Variants in ZFAND3 observed in about 807,000 individuals in gnomAD.
ZFAND3 encodes AN1-type zinc finger protein 3.
Under a neutral mutation model 29.6 loss-of-function variants are expected in ZFAND3, and 10 were observed. The observed-to-expected ratio is 0.34, with a 90% CI of 0.21 to 0.57. The LOEUF (loss-of-function observed/expected upper bound fraction) is 0.57. ZFAND3 is among the 20% of genes least tolerant of loss of function. ZFAND3 has a pLI of 0.86. For synonymous variants in ZFAND3, 128 were observed against 112.6 expected (o/e 1.14, Z -0.87); for missense variants, 230 against 304.5 (o/e 0.76, Z 1.82).
chr6:37,850,816 C>G (rs1764266762), intron 1 of ZFAND3, among the ~76,000 whole-genome samples: 1 of 152,150 alleles, frequency 6.6e-6, no homozygotes, highest in Non-Finnish European at 1.5e-5. Flanking sequence ...CAAGGCTGGT[C>G]TCTGACTCCT....
chr6:37,931,637 T>C (rs901240818), intron 2 of ZFAND3, among the ~76,000 whole-genome samples: 12 of 151,894 alleles, frequency 7.9e-5, no homozygotes, highest in African/African-American at 2.7e-4. Context: ...GTGGACCAAA[T>C]CATTTGTTTT....
intron 1 of ZFAND3, among the ~76,000 whole-genome samples, chr6:37,910,799 T>A (rs1477766649): frequency 6.6e-6 from 1 of 152,222 alleles, no homozygotes; most frequent in Non-Finnish European, 1.5e-5. Flanking sequence ...CATGTGGTAT[T>A]TGTCATTCGG....
intron 2 of ZFAND3, among the ~76,000 whole-genome samples, chr6:38,045,216 T>G (rs1159325035): frequency 6.6e-6 from 1 of 151,892 alleles, no homozygotes; most frequent in Non-Finnish European, 1.5e-5. Flanking sequence ...GCCTCCCAAG[T>G]ACCTGGGATT....
intron 2 of ZFAND3, among the ~76,000 whole-genome samples, chr6:38,049,374 T>C (rs1434778511): frequency 6.6e-6 from 1 of 152,198 alleles, no homozygotes; most frequent in Admixed American, 6.5e-5. Flanking sequence ...AAAATAACTT[T>C]ATTAGGTAGA....
At chr6:37,949,648 T>C (rs993475857) in intron 2 of ZFAND3, among the ~76,000 whole-genome samples, 1 of 152,160 alleles carries the variant, frequency 6.6e-6, no homozygotes, top group Non-Finnish European at 1.5e-5. Context: ...ATTAATTTGT[T>C]GGGGCTGTTC....
intron 5 of ZFAND3, among the ~76,000 whole-genome samples, chr6:38,151,150 G>A (rs979593637): frequency 2.0e-5 from 3 of 152,160 alleles, no homozygotes; most frequent in South Asian, 2.1e-4. Flanking sequence ...GAGACACCCC[G>A]GTGCAGCTGC....
At chr6:38,059,288 C>T (rs1581881652) in intron 2 of ZFAND3, among the ~76,000 whole-genome samples, 2 of 152,182 alleles carry the variant, frequency 1.3e-5, no homozygotes, top group East Asian at 3.9e-4. Flanking sequence ...TTCATGTATC[C>T]ATAAACAATA....
chr6:37,849,642 T>C (rs912959067), intron 1 of ZFAND3, among the ~76,000 whole-genome samples: 1 of 152,196 alleles, frequency 6.6e-6, no homozygotes, highest in African/African-American at 2.4e-5. Flanking sequence ...ACTCCTGACG[T>C]CAGGTGATCC....
chr6:38,079,056 T>C (rs186451122), intron 3 of ZFAND3, among the ~76,000 whole-genome samples: 76 of 152,316 alleles, frequency 5.0e-4, no homozygotes, highest in Admixed American at 1.8e-3. Flanking sequence ...ATTTCCTGCA[T>C]TGATTTTAAC....
In ZFAND3 at chr6:37,819,913, T is replaced by TGCCGCCGCCGAGCTCC. The variant is rs1443957001; in HGVS notation, c.-19_-4dup. 4.1e-5 allele frequency: 49 copies of TGCCGCCGCCGAGCTCC among 1,196,380 alleles called. No homozygotes were observed. Among genetic ancestry groups the TGCCGCCGCCGAGCTCC allele is most frequent in the Middle Eastern group, 3.3e-4 (1 of 3,006 alleles). 74.1% of individuals were successfully genotyped at this position (1,196,380 alleles called of 1,614,324 possible). On this transcript the variant is annotated 5_prime_UTR_variant, in exon 1 of 6. Transcript: ENST00000287218. The stretch of plus-strand genomic sequence containing the variant: ...GCCCGGGCCCAGCCGCCGCCACCGC[T>TGCCGCCGCCGAGCTCC]GCCGCCGCCGAGCTCCGCCGCCGCC...
At position 37,891,416 on chromosome 6, in the gene ZFAND3, T is replaced by TCCCCCCCCC. The variant is rs113061455; in HGVS notation, c.72-38541_72-38533dup. ...TTTGACAAATAGTTGGAGATTTCAG[T>TCCCCCCCCC]CCCCCCCCCCGCCTTTAAAATACAA... On this transcript the variant is annotated intron_variant, in intron 1 of 5. Coordinates refer to ENST00000287218, the MANE Select transcript of ZFAND3 (RefSeq NM_021943.3). 1.8e-3 allele frequency among the ~76,000 whole-genome samples: 212 copies of TCCCCCCCCC among 117,068 alleles called. 8 individuals are homozygous for TCCCCCCCCC. Among genetic ancestry groups the TCCCCCCCCC allele is most frequent in the African/African-American group, 3.4e-3 (89 of 26,106 alleles). The allele number at this position is 117,068 out of a possible 152,430, so 76.8% of individuals were successfully genotyped here.
At chr6:38,010,410 G>A (rs1164698890) in intron 2 of ZFAND3, among the ~76,000 whole-genome samples, 1 of 152,118 alleles carries the variant, frequency 6.6e-6, no homozygotes, top group Non-Finnish European at 1.5e-5. Flanking sequence ...TATTTGAGGA[G>A]CCATTGTACA....
chr6:37,923,703 C>T lies in ZFAND3; in HGVS notation c.72-6256C>T, dbSNP rs9394467. ...TGTTTACTGTGTTGCTCTAACACTACAGCTATGATGCCATTAGGTGACAGG... is the reference window on the plus strand; with the variant it reads ...TGTTTACTGTGTTGCTCTAACACTATAGCTATGATGCCATTAGGTGACAGG... On this transcript the variant is annotated intron_variant, in intron 1 of 5. Transcript: ENST00000287218. Among the ~76,000 whole-genome samples, 1,509 of 152,256 alleles carry T rather than the reference C, an allele frequency of 9.9e-3. 84 individuals are homozygous for T. The East Asian group carries it at 0.16, about 16-fold the overall frequency.
At chr6:38,094,901 TC>T (rs577856147) in intron 4 of ZFAND3, among the ~76,000 whole-genome samples, 1,534 of 152,272 alleles carry the variant, frequency 0.01, 8 homozygotes, top group Non-Finnish European at 0.016. Context: ...AATCTGAGAA[TC>T]CCAAATCTGA....
intron 2 of ZFAND3, among the ~76,000 whole-genome samples, chr6:37,982,457 A>C (rs569148949): frequency 1.3e-5 from 2 of 152,302 alleles, no homozygotes; most frequent in Non-Finnish European, 2.9e-5. Flanking sequence ...CATGTGTAAC[A>C]ATGTTTGCAT....
At chr6:37,984,525 T>A (rs1014806792) in intron 2 of ZFAND3, among the ~76,000 whole-genome samples, 1 of 152,230 alleles carries the variant, frequency 6.6e-6, no homozygotes, top group African/African-American at 2.4e-5. Context: ...TGAGTTCCTC[T>A]ATAGTTGATG....
intron 2 of ZFAND3, among the ~76,000 whole-genome samples, chr6:37,937,474 G>A (rs1275206403): frequency 6.6e-6 from 1 of 151,910 alleles, no homozygotes; most frequent in East Asian, 1.9e-4. Flanking sequence ...GGCCAACATG[G>A]TGAAACCCCG....
At chr6:37,968,641 T>G (rs181202305) in intron 2 of ZFAND3, among the ~76,000 whole-genome samples, 2 of 152,248 alleles carry the variant, frequency 1.3e-5, no homozygotes, top group African/African-American at 4.8e-5. Context: ...GACCACATAC[T>G]TTCTCATGTT....
intron 2 of ZFAND3, among the ~76,000 whole-genome samples, chr6:37,936,563 T>C (rs1366408573): frequency 2.0e-5 from 3 of 152,224 alleles, no homozygotes; most frequent in African/African-American, 7.2e-5. Flanking sequence ...TACTGTTTCA[T>C]TTAAGACTAA....
Sources: gnomAD v4.1 joint callset for allele counts (sites outside exome capture counted in the v4.1 genomes callset) on GRCh38, gnomAD v4.1.1 for gene constraint, MANE v1.5 for transcripts, NCBI Gene and HGNC (gene_info 2026-07-23, HGNC 2026-07-21) for gene names.